Variants in OXR1 observed in about 807,000 individuals in gnomAD.
OXR1 encodes oxidation resistance protein 1.
OXR1 carries 41 observed loss-of-function variants against 104.6 expected under a neutral mutation model. The observed-to-expected ratio is 0.39, with a 90% CI of 0.31 to 0.51. The LOEUF (loss-of-function observed/expected upper bound fraction) is 0.51, where lower values mean the gene tolerates loss of function less well. Ranked by LOEUF, OXR1 falls within the 20% of genes least tolerant of loss-of-function variation. The probability of loss-of-function intolerance (pLI) is 0.77; values close to 1 mark genes in which losing one functional copy is unlikely to be tolerated. For missense variants in OXR1, 955 were observed against 1,031.9 expected, an observed-to-expected ratio of 0.93 and a Z score of 1.02; for synonymous variants, 348 against 348.4, an observed-to-expected ratio of 1.00 and a Z score of 0.01.
chr8:106,391,075 T>C (rs1227817550), intron 2 of OXR1, among the ~76,000 whole-genome samples: 3 of 152,182 alleles, frequency 2.0e-5, no homozygotes, highest in Non-Finnish European at 4.4e-5. Flanking sequence ...TTAAATGATA[T>C]GAAGTCTTCA....
chr8:106,292,180 T>A (rs564726710), intron 1 of OXR1, among the ~76,000 whole-genome samples: 3 of 152,178 alleles, frequency 2.0e-5, no homozygotes, highest in Non-Finnish European at 4.4e-5. Flanking sequence ...ATTCAAGTCA[T>A]CCTTATTTTA....
chr8:106,586,777 G>A (rs981125641), intron 3 of OXR1, among the ~76,000 whole-genome samples: 9 of 152,128 alleles, frequency 5.9e-5, no homozygotes, highest in Non-Finnish European at 1.0e-4. Flanking sequence ...GGGCGAGTGA[G>A]GAAAGCAGGT....
At chr8:106,278,324 A>G (rs1812143412) in intron 1 of OXR1, among the ~76,000 whole-genome samples, 1 of 152,206 alleles carries the variant, frequency 6.6e-6, no homozygotes, top group African/African-American at 2.4e-5. Context: ...AGCTGTCATC[A>G]TGTAAATTGT....
chr8:106,746,038 C>A (rs1185520058), intron 16 of OXR1, among the ~76,000 whole-genome samples, 176 bp downstream of exon 16: 1 of 152,078 alleles, frequency 6.6e-6, no homozygotes, highest in African/African-American at 2.4e-5. Context: ...GTTATTGAAA[C>A]TATTGATGGA....
intron 1 of OXR1, among the ~76,000 whole-genome samples, chr8:106,277,338 G>A (rs188425927): frequency 5.9e-5 from 9 of 152,224 alleles, no homozygotes; most frequent in Admixed American, 1.3e-4. Flanking sequence ...CATATCCACC[G>A]GATTATAGGT....
intron 2 of OXR1, among the ~76,000 whole-genome samples, chr8:106,375,407 T>C (rs920155652): frequency 2.0e-5 from 3 of 152,234 alleles, no homozygotes; most frequent in African/African-American, 7.2e-5. Flanking sequence ...GTAATTTTCT[T>C]GAAGGTTTGT....
intron 3 of OXR1, among the ~76,000 whole-genome samples, chr8:106,536,860 C>T (rs1430332257): frequency 1.3e-5 from 2 of 152,054 alleles, no homozygotes; most frequent in African/African-American, 4.8e-5. Flanking sequence ...CACAAAGGAC[C>T]CTGACACCAG....
At chr8:106,579,637 A>G (rs1818096108) in intron 3 of OXR1, among the ~76,000 whole-genome samples, 1 of 152,154 alleles carries the variant, frequency 6.6e-6, no homozygotes. Flanking sequence ...TCCAGACTTA[A>G]GAAAGAAAGA....
intron 12 of OXR1, among the ~76,000 whole-genome samples, chr8:106,737,811 T>A (rs931619633): frequency 1.3e-5 from 2 of 152,192 alleles, no homozygotes; most frequent in South Asian, 4.1e-4. Flanking sequence ...CTGAAGAATG[T>A]TCTGTCACTT....
chr8:106,652,816 A>G (rs1285858900), intron 3 of OXR1, among the ~76,000 whole-genome samples: 1 of 151,754 alleles, frequency 6.6e-6, no homozygotes. Flanking sequence ...CATTAGAGAA[A>G]CCTCATTAAT....
intron 1 of OXR1, among the ~76,000 whole-genome samples, chr8:106,335,861 C>T (rs1169282650): frequency 5.9e-5 from 9 of 151,976 alleles, no homozygotes; most frequent in Admixed American, 5.2e-4. Flanking sequence ...TTTGGGAAGC[C>T]GAGGCAGGTG....
intron 2 of OXR1, among the ~76,000 whole-genome samples, chr8:106,370,477 A>G (rs1022963751): frequency 6.6e-6 from 1 of 152,146 alleles, no homozygotes; most frequent in Non-Finnish European, 1.5e-5. Flanking sequence ...GTCTTATACC[A>G]GTTTTCAAAG....
At chr8:106,322,386 G>A (rs556432294) in intron 1 of OXR1, among the ~76,000 whole-genome samples, 1 of 152,234 alleles carries the variant, frequency 6.6e-6, no homozygotes, top group South Asian at 2.1e-4. Flanking sequence ...TGGGTATTGA[G>A]GGAACATACT....
At chr8:106,626,437 G>T (rs1484575907) in intron 3 of OXR1, among the ~76,000 whole-genome samples, 2 of 151,236 alleles carry the variant, frequency 1.3e-5, no homozygotes, top group Non-Finnish European at 3.0e-5. Flanking sequence ...ATTGAAGTTT[G>T]GTGTCTTTTC....
At chr8:106,399,524 T>C (rs1421764137) in intron 2 of OXR1, among the ~76,000 whole-genome samples, 1 of 152,180 alleles carries the variant, frequency 6.6e-6, no homozygotes, top group East Asian at 1.9e-4. Flanking sequence ...ATGTGAATAG[T>C]TAACAAATAT....
intron 7 of OXR1, chr8:106,697,636 T>C: frequency 5.6e-6 from 9 of 1,613,908 alleles, no homozygotes; most frequent in Non-Finnish European, 7.6e-6. Context: ...CAGCGTCCGC[T>C]GCACACAGGC....
intron 3 of OXR1, among the ~76,000 whole-genome samples, chr8:106,670,605 C>T (rs1170841453): frequency 6.6e-6 from 1 of 152,062 alleles, no homozygotes; most frequent in Non-Finnish European, 1.5e-5. Context: ...GTGAAAAATA[C>T]AACCCCTCTA....
intron 3 of OXR1, among the ~76,000 whole-genome samples, chr8:106,560,067 G>A (rs1481558855): frequency 2.6e-5 from 4 of 152,034 alleles, no homozygotes; most frequent in Non-Finnish European, 4.4e-5. Context: ...GGTTAAAACC[G>A]AGAAACATGA....
chr8:106,558,218 G>C (rs978020240), intron 3 of OXR1, among the ~76,000 whole-genome samples: 2 of 152,184 alleles, frequency 1.3e-5, no homozygotes, highest in African/African-American at 4.8e-5. Flanking sequence ...TCTTGAAGAG[G>C]CTACTCTGGG....
Sources: allele counts gnomAD v4.1 joint callset (sites outside exome capture counted in the v4.1 genomes callset), GRCh38; gene constraint gnomAD v4.1.1; transcripts MANE v1.5; gene names NCBI Gene and HGNC (gene_info 2026-07-23, HGNC 2026-07-21).